NKAIN2: variants seen among roughly 807,000 people sequenced by gnomAD.
NKAIN2 encodes the protein sodium/potassium-transporting ATPase subunit beta-1-interacting protein 2.
In NKAIN2, 14 loss-of-function variants were observed where a neutral mutation model predicts 32.6. The observed-to-expected ratio is 0.43, with a 90% confidence interval of 0.28 to 0.67. The LOEUF (loss-of-function observed/expected upper bound fraction) is 0.67. Ranked by LOEUF, NKAIN2 falls within the 30% of genes least tolerant of loss-of-function variation. NKAIN2 has a pLI of 0.17. For missense variants in NKAIN2, 198 were observed against 258.3 expected (o/e 0.77, Z 1.60); for synonymous variants, 80 against 87.2 (o/e 0.92, Z 0.46).
intron 1 of NKAIN2, among the ~76,000 whole-genome samples, chr6:124,256,952 A>T (rs193214951): frequency 2.9e-4 from 43 of 148,192 alleles, no homozygotes; most frequent in Non-Finnish European, 5.9e-5. Flanking sequence ...CAACGTGCAA[A>T]AGCTATAACT....
At chr6:124,403,133 A>C (rs1446866567) in intron 3 of NKAIN2, among the ~76,000 whole-genome samples, 3 of 152,198 alleles carry the variant, frequency 2.0e-5, no homozygotes, top group Non-Finnish European at 1.5e-5. Flanking sequence ...CTTTAAATGC[A>C]TAAATATGGC....
intron 1 of NKAIN2, among the ~76,000 whole-genome samples, chr6:124,231,804 A>G (rs1792476250): frequency 6.6e-6 from 1 of 152,030 alleles, no homozygotes; most frequent in Admixed American, 6.6e-5. Flanking sequence ...AGCAGTGTGA[A>G]AATGGACTAA....
chr6:123,990,974 CACATTTTATTATATGTAAAT>C lies in NKAIN2; in HGVS notation c.54+186723_54+186742del, dbSNP rs1173687926. Among the ~76,000 whole-genome samples, 7 of 152,210 alleles carry C rather than the reference CACATTTTATTATATGTAAAT, an allele frequency of 4.6e-5. No homozygotes were observed. In the South Asian group the frequency reaches 1.5e-3, roughly 32 times the overall value. ...AATTGGATTTCAAATAGTAAAATAA[CACATTTTATTATATGTAAAT>C]ACCTTATCTTCCAAAGGCATAAATT... is the stretch of plus-strand genomic sequence containing the variant. On this transcript the variant is annotated intron_variant, in intron 1 of 6. Transcript: ENST00000368417.
chr6:124,288,283 C>A (rs1005734132), intron 2 of NKAIN2, among the ~76,000 whole-genome samples: 2 of 152,150 alleles, frequency 1.3e-5, no homozygotes, highest in Non-Finnish European at 2.9e-5. Flanking sequence ...CTTGTAACCA[C>A]CACAGTGAAC....
intron 1 of NKAIN2, among the ~76,000 whole-genome samples, chr6:123,962,067 TA>T (rs898722900): frequency 5.9e-5 from 9 of 152,348 alleles, no homozygotes; most frequent in African/African-American, 2.2e-4. Flanking sequence ...AAGATGAAAT[TA>T]TTTTATATGC....
At chr6:124,017,357 T>C (rs1474232378) in intron 1 of NKAIN2, among the ~76,000 whole-genome samples, 1 of 152,116 alleles carries the variant, frequency 6.6e-6, no homozygotes, top group Non-Finnish European at 1.5e-5. Flanking sequence ...ATTATTCCTC[T>C]TGTGGCCCCA....
intron 1 of NKAIN2, among the ~76,000 whole-genome samples, chr6:124,219,292 T>C (rs2114688576): frequency 6.6e-6 from 1 of 151,788 alleles, no homozygotes; most frequent in South Asian, 2.1e-4. Flanking sequence ...TCTTTTTTTT[T>C]TTTGAGACAG....
At chr6:124,576,687 G>C (rs1304124488) in intron 3 of NKAIN2, among the ~76,000 whole-genome samples, 1 of 151,830 alleles carries the variant, frequency 6.6e-6, no homozygotes, top group East Asian at 1.9e-4. Flanking sequence ...AAATTTCAAT[G>C]TAAAAAAAAA....
At chr6:124,201,545 C>T (rs1053097138) in intron 1 of NKAIN2, among the ~76,000 whole-genome samples, 18 of 151,922 alleles carry the variant, frequency 1.2e-4, no homozygotes, top group African/African-American at 4.4e-4. Context: ...GTATGCACAT[C>T]TGTAACTTGT....
chr6:124,097,801 C>G (rs234472), intron 1 of NKAIN2, among the ~76,000 whole-genome samples: 61,701 of 151,994 alleles, frequency 0.41, 13,076 homozygotes, highest in South Asian at 0.52. Context: ...TGCAGGAAAA[C>G]TGTAGAGTGA....
chr6:124,111,605 C>CT lies in NKAIN2; in HGVS notation c.55-171392dup, dbSNP rs975821722. ...ATGTGTGTCCTTAAATCTAAAGTTT[C>CT]TTTTTTTTAATCTGTTCAGTCACTC... On this transcript the variant is annotated intron_variant, in intron 1 of 6. Transcript: ENST00000368417. 5.3e-5 allele frequency among the ~76,000 whole-genome samples: 8 copies of CT among 151,706 alleles called. No individual in the cohort carries two copies. In the East Asian group the frequency reaches 1.5e-3, roughly 29 times the overall value.
intron 4 of NKAIN2, among the ~76,000 whole-genome samples, chr6:124,783,612 T>C (rs1035758116): frequency 6.6e-6 from 1 of 152,160 alleles, no homozygotes; most frequent in South Asian, 2.1e-4. Flanking sequence ...TGTTCCACAA[T>C]AGTCCAGCCA....
At chr6:124,660,864 C>A (rs1412158666) in intron 4 of NKAIN2, among the ~76,000 whole-genome samples, 3 of 152,126 alleles carry the variant, frequency 2.0e-5, no homozygotes, top group African/African-American at 7.2e-5. Flanking sequence ...TAATGCAAAT[C>A]AAAAAGGCTT....
chr6:124,080,589 A>C (rs1224194550), intron 1 of NKAIN2, among the ~76,000 whole-genome samples: 1 of 151,950 alleles, frequency 6.6e-6, no homozygotes, highest in Non-Finnish European at 1.5e-5. Context: ...ATATTAGACC[A>C]AAAAACATTG....
intron 3 of NKAIN2, among the ~76,000 whole-genome samples, chr6:124,467,114 C>A (rs1776791123): frequency 6.6e-6 from 1 of 152,020 alleles, no homozygotes; most frequent in Admixed American, 6.6e-5. Flanking sequence ...ATACATGAGT[C>A]AATGTTTATT....
At chr6:124,140,865 C>T (rs138120049) in intron 1 of NKAIN2, among the ~76,000 whole-genome samples, 90 of 152,244 alleles carry the variant, frequency 5.9e-4, no homozygotes, top group African/African-American at 2.1e-3. Flanking sequence ...AACTCGACCC[C>T]AATCATCATG....
At chr6:124,601,131 A>G (rs1004716293) in intron 3 of NKAIN2, among the ~76,000 whole-genome samples, 8 of 152,096 alleles carry the variant, frequency 5.3e-5, no homozygotes, top group East Asian at 1.9e-4. Context: ...ATCAAGCTCT[A>G]TGCATAAGGC....
intron 1 of NKAIN2, among the ~76,000 whole-genome samples, chr6:124,120,233 T>C (rs1785813974): frequency 6.6e-6 from 1 of 152,196 alleles, no homozygotes; most frequent in Non-Finnish European, 1.5e-5. Flanking sequence ...ACCACTTAAC[T>C]ACTGACCACA....
intron 3 of NKAIN2, among the ~76,000 whole-genome samples, chr6:124,373,363 A>T (rs1799851380): frequency 2.0e-5 from 3 of 152,098 alleles, no homozygotes; most frequent in Admixed American, 1.3e-4. Flanking sequence ...TGTGTGCAGA[A>T]TCCATGGCTC....
Sources: allele counts gnomAD v4.1 joint callset (sites outside exome capture counted in the v4.1 genomes callset), GRCh38; gene constraint gnomAD v4.1.1; transcripts MANE v1.5; gene names NCBI Gene and HGNC (gene_info 2026-07-23, HGNC 2026-07-21).